Variants in CSF1 observed in about 807,000 individuals in gnomAD.
CSF1 encodes the protein colony stimulating factor 1.
CSF1 carries 9 observed loss-of-function variants against 48.9 expected under a neutral mutation model. That is an observed-to-expected ratio of 0.18 (90% confidence interval 0.11 to 0.32). The LOEUF is 0.32. Among genes scored for constraint, CSF1 ranks in the 10% least tolerant of loss-of-function variants. The pLI, the probability that CSF1 is intolerant of heterozygous loss-of-function variation, is 1.00. For missense variants in CSF1, 672 were observed against 697.9 expected (o/e 0.96, Z 0.42); for synonymous variants, 305 against 284.1 (o/e 1.07, Z -0.74).
Position 109,923,847 on chromosome 1 carries a change from G to T in CSF1, c.1226G>T (p.Arg409Leu), listed in dbSNP as rs200460787. The T allele has an allele frequency of 6.2e-7, 1 of 1,613,810 alleles. No individual in the cohort carries two copies. Among genetic ancestry groups the T allele is most frequent in the East Asian group, 2.2e-5 (1 of 44,852 alleles). Residue 409 changes from arginine to leucine, a missense_variant, in exon 6 of 9, where the codon CGC becomes CTC. Transcript: ENST00000329608. ...GGCTCTCCCAGGATCTCATCACTGC[G>T]CCCCCAGGGCCTCAGCAACCCCTCC... Reference protein sequence around the residue: ...EPGSPRISSLRPQGLSNPSTL... With the variant: ...EPGSPRISSLLPQGLSNPSTL...
chr1:109,910,964 CAGCGAGCG>C lies in CSF1; in HGVS notation c.-45_-38del, dbSNP rs551065514. The C allele has an allele frequency of 2.7e-5, 31 of 1,150,550 alleles. No individual in the cohort carries two copies. The African/African-American group carries it at 3.1e-4, about 12-fold the overall frequency. The allele number at this position is 1,150,550 out of a possible 1,614,324, so 71.3% of individuals were successfully genotyped here. A position where few individuals can be genotyped will look rare whatever the true frequency, so the allele number is the denominator to read the frequency against. ...GCCGGGGCGCCCACTCCGCAGCAGC[CAGCGAGCG>C]AGCGAGCGAGCGAGGGCGGCCGACG... On this transcript the variant is annotated 5_prime_UTR_variant, in exon 1 of 9. Coordinates refer to ENST00000329608, the MANE Select transcript of CSF1 (RefSeq NM_000757.6).
chr1:109,917,187 C>T (rs957369173), intron 3 of CSF1, 106 bp from the exon 4 acceptor site: 15 of 1,217,270 alleles, frequency 1.2e-5, no homozygotes, highest in Non-Finnish European at 1.6e-5. Context: ...TGTGGTCCCT[C>T]CCCTGGGGGA....
chr1:109,923,667 C>T lies in CSF1; in HGVS notation c.1046C>T (p.Pro349Leu), dbSNP rs1647685151. ...RPSNFLSASS[P>L]LPASAKGQQP... ...AGCAACTTCCTCTCAGCATCTTCTCCACTCCCTGCATCAGCAAAGGGCCAA... is the reference window on the plus strand; with the variant it reads ...AGCAACTTCCTCTCAGCATCTTCTCTACTCCCTGCATCAGCAAAGGGCCAA... Residue 349 changes from proline (P) to leucine (L), a missense_variant, in exon 6 of 9, where the codon CCA becomes CTA. Transcript: ENST00000329608. 6.2e-7 allele frequency: 1 copy of T among 1,613,746 alleles called. No individual in the cohort carries two copies. Among genetic ancestry groups the T allele is most frequent in the Non-Finnish European group, 8.5e-7 (1 of 1,179,846 alleles).
rs909589253 is a variant in CSF1 at position 109,914,488 on chromosome 1, G to A, written c.162+107G>A. 14 of 1,320,352 alleles carry A rather than the reference G, an allele frequency of 1.1e-5. No individual in the cohort carries two copies. The African/African-American group carries it at 1.9e-4, about 18-fold the overall frequency. The allele number at this position is 1,320,352 out of a possible 1,614,324, so 81.8% of individuals were successfully genotyped here. On this transcript the variant is annotated intron_variant, in intron 2 of 8. Coordinates refer to ENST00000329608, the MANE Select transcript of CSF1 (RefSeq NM_000757.6). ...CAGTTGCAGGCAGGAAAATAGGGCAGTGCGGGACATTGCTTGTGGTTCCCA... is the reference window on the plus strand; with the variant it reads ...CAGTTGCAGGCAGGAAAATAGGGCAATGCGGGACATTGCTTGTGGTTCCCA...
In CSF1 at chr1:109,914,279, G is replaced by A. The variant is rs1440835175; in HGVS notation, c.60G>A (p.Leu20=). The change falls in exon 2 of 9, where the codon CTG becomes CTA. Residue 20 remains leucine, a synonymous_variant. Coordinates refer to ENST00000329608, the MANE Select transcript of CSF1 (RefSeq NM_000757.6). The stretch of plus-strand genomic sequence containing the variant: ...CACAGACATGGCTGGGCTCCCTGCT[G>A]TTGTTGGTCTGTCTCCTGGCGAGCA... ...CPPTTWLGSL[L]LLVCLLASRS... is the part of the protein sequence containing the mutation. 6.2e-7 allele frequency: 1 copy of A among 1,607,186 alleles called. No individual in the cohort carries two copies. Among genetic ancestry groups the A allele is most frequent in the Non-Finnish European group, 8.5e-7 (1 of 1,176,638 alleles).
intron 1 of CSF1, 54 bp downstream of exon 1, chr1:109,911,116 G>T: frequency 1.0e-6 from 1 of 981,338 alleles, no homozygotes; most frequent in South Asian, 4.6e-5. Flanking sequence ...GGGGCTCGGC[G>T]GCCAGGCGGC....
intron 8 of CSF1, among the ~76,000 whole-genome samples, chr1:109,925,572 G>T (rs1647809392): frequency 6.6e-6 from 1 of 152,128 alleles, no homozygotes; most frequent in Admixed American, 6.5e-5. Flanking sequence ...GCCACTGCAA[G>T]CCCTATATTC....
chr1:109,924,938 C>A, intron 7 of CSF1, 110 bp downstream of exon 7: 2 of 1,179,536 alleles, frequency 1.7e-6, no homozygotes, highest in Non-Finnish European at 2.5e-6. Context: ...AATGGAGCTG[C>A]AGAACAGGAT....
At chr1:109,920,260 A>G (rs1214835024) in intron 4 of CSF1, among the ~76,000 whole-genome samples, 1 of 151,628 alleles carries the variant, frequency 6.6e-6, no homozygotes, top group Admixed American at 6.6e-5. Flanking sequence ...TCCATCACTT[A>G]CCAGCTAGGT....
Position 109,924,847 on chromosome 1 carries a change from G to T in CSF1, c.1622+19G>T. On this transcript the variant is annotated intron_variant, in intron 7 of 8. Transcript: ENST00000329608. ...AGGGCAGGTGAGAGCTTGAGGTGGG[G>T]CTCTGGGAGGCACTGGGGGCCTGGC... is the stretch of plus-strand genomic sequence containing the variant. 6.2e-7 allele frequency: 1 copy of T among 1,602,756 alleles called. No homozygotes were observed. The highest frequency in any genetic ancestry group is 8.5e-7 in the Non-Finnish European group (1 of 1,174,352).
At chr1:109,920,829 G>T (rs1289302663) in intron 4 of CSF1, among the ~76,000 whole-genome samples, 1 of 152,190 alleles carries the variant, frequency 6.6e-6, no homozygotes, top group Middle Eastern at 3.2e-3. Context: ...AGGTGGGCCC[G>T]GGAGTGAACC....
rs1191806992 is a variant in CSF1 at position 109,924,141 on chromosome 1, T to A, written c.1520T>A (p.Leu507Gln). Residue 507 changes from leucine (L) to glutamine (Q), a missense_variant, in exon 6 of 9, where the codon CTG (leucine) becomes CAG (glutamine). Around this residue, in one of 3 missense-constraint regions of CSF1, gnomAD observed 591 missense variants for 593.6 expected, o/e 1.00. Transcript: ENST00000329608. The stretch of plus-strand genomic sequence containing the variant: ...CACCTGCTGGTGCCCAGTGTCATCC[T>A]GGTCTTGCTGGCCGTCGGAGGCCTC... ...VFHLLVPSVI[L>Q]VLLAVGGLLF... 1.2e-6 allele frequency: 2 copies of A among 1,613,790 alleles called. No individual in the cohort carries two copies. Among genetic ancestry groups the A allele is most frequent in the Non-Finnish European group, 1.7e-6 (2 of 1,179,848 alleles).
Position 109,924,106 on chromosome 1 carries a change from G to A in CSF1, c.1485G>A (p.Glu495=). ...SEGSFSPQLQ[E]SVFHLLVPSV... ...GATCCTTCAGCCCGCAGCTCCAGGA[G>A]TCTGTCTTCCACCTGCTGGTGCCCA... Residue 495 remains glutamate, a synonymous_variant, in exon 6 of 9, where the codon GAG becomes GAA. Transcript: ENST00000329608. 6.2e-7 allele frequency: 1 copy of A among 1,614,222 alleles called. No homozygotes were observed. The highest frequency in any genetic ancestry group is 8.5e-7 in the Non-Finnish European group (1 of 1,180,034).
intron 8 of CSF1, chr1:109,926,280 A>G (rs528364603): frequency 6.6e-6 from 1 of 152,312 alleles, no homozygotes; most frequent in Admixed American, 6.5e-5. Context: ...TCATATGTTG[A>G]GCCTGTGGTC....
Position 109,911,049 on chromosome 1 carries a change from G to T in CSF1, c.26G>T (p.Arg9Leu). MTAPGAAG[R>L]CPPTTWLGSL... ...ATGACCGCGCCGGGCGCCGCCGGGC[G>T]CTGCCCTCCCACGGTAAGCGACGGC... The change falls in exon 1 of 9, where the codon CGC becomes CTC. Residue 9 changes from arginine (R) to leucine (L), a missense_variant. By Grantham distance (102) the Arg-to-Leu change is moderately radical. Coordinates refer to ENST00000329608, the MANE Select transcript of CSF1 (RefSeq NM_000757.6). 2 of 1,127,958 alleles carry T rather than the reference G, an allele frequency of 1.8e-6. No homozygotes were observed. Among genetic ancestry groups the T allele is most frequent in the Admixed American group, 4.5e-5 (1 of 22,130 alleles). The allele number at this position is 1,127,958 out of a possible 1,614,324, so 69.9% of individuals were successfully genotyped here.
At chr1:109,922,135 T>C (rs765555629) in intron 5 of CSF1, 141 bp downstream of exon 5, 7 of 1,005,536 alleles carry the variant, frequency 7.0e-6, no homozygotes, top group Non-Finnish European at 1.0e-5. Flanking sequence ...AATGTGCTTG[T>C]TCTGTGTATA....
In CSF1 at chr1:109,910,948, C is replaced by T. The variant is rs1273085234; in HGVS notation, c.-76C>T. On this transcript the variant is annotated 5_prime_UTR_variant, in exon 1 of 9. Transcript: ENST00000329608. ...AGCGGTGCGGCCCTCGGCCGGGGCG[C>T]CCACTCCGCAGCAGCCAGCGAGCGA... 24 of 1,094,550 alleles carry T rather than the reference C, an allele frequency of 2.2e-5. No homozygotes were observed. The highest frequency in any genetic ancestry group is 2.6e-5 in the Non-Finnish European group (23 of 884,310). The allele number at this position is 1,094,550 out of a possible 1,614,324, so 67.8% of individuals were successfully genotyped here. A position where few individuals can be genotyped will look rare whatever the true frequency, so the allele number is the denominator to read the frequency against.
intron 5 of CSF1, among the ~76,000 whole-genome samples, chr1:109,922,802 T>C (rs890343109): frequency 3.3e-5 from 5 of 152,138 alleles, no homozygotes; most frequent in African/African-American, 1.2e-4. Context: ...AGTTGTCTTG[T>C]ATTGGTCTGG....
rs762353437 is a variant in CSF1 at position 109,930,801 on chromosome 1, C to T, written c.*1963C>T. ...GGAGCCCCAGAGCCACCTCTGGTGTCCCCCCAGGCTACCTGCTCAGGAACC... is the reference window on the plus strand; with the variant it reads ...GGAGCCCCAGAGCCACCTCTGGTGTTCCCCCAGGCTACCTGCTCAGGAACC... On this transcript the variant is annotated 3_prime_UTR_variant, in exon 9 of 9. Coordinates refer to ENST00000329608, the MANE Select transcript of CSF1 (RefSeq NM_000757.6). 1 of 152,118 alleles carries T rather than the reference C, an allele frequency of 6.6e-6. No individual in the cohort carries two copies. Among genetic ancestry groups the T allele is most frequent in the Admixed American group, 6.5e-5 (1 of 15,280 alleles). The allele number at this position is 152,118 out of a possible 1,614,324, so 9.4% of individuals were successfully genotyped here. A position where few individuals can be genotyped will look rare whatever the true frequency, so the allele number is the denominator to read the frequency against.
Sources: allele counts gnomAD v4.1 joint callset (sites outside exome capture counted in the v4.1 genomes callset), GRCh38; gene constraint gnomAD v4.1.1; regional missense constraint gnomAD v4.1.1; transcripts MANE v1.5; gene names NCBI Gene and HGNC (gene_info 2026-07-23, HGNC 2026-07-21).